Variants in LRRC8C observed in about 807,000 individuals in gnomAD.
The protein encoded by LRRC8C is leucine rich repeat containing 8 VRAC subunit C.
A neutral mutation model predicts 55.3 loss-of-function variants in LRRC8C; 20 were observed. The observed-to-expected ratio is 0.36, with a 90% CI of 0.25 to 0.53. The LOEUF (loss-of-function observed/expected upper bound fraction) is 0.53. LRRC8C is among the 20% of genes least tolerant of loss of function. The probability of loss-of-function intolerance (pLI) is 0.92; values close to 1 mark genes in which losing one functional copy is unlikely to be tolerated. For synonymous variants in LRRC8C, 376 were observed against 360.7 expected, an observed-to-expected ratio of 1.04 and a Z score of -0.48; for missense variants, 659 against 951.4, an observed-to-expected ratio of 0.69 and a Z score of 4.04.
At chr1:89,669,711 C>T (rs936873868) in intron 1 of LRRC8C, among the ~76,000 whole-genome samples, 1 of 152,158 alleles carries the variant, frequency 6.6e-6, no homozygotes, top group African/African-American at 2.4e-5. Flanking sequence ...GGGATACAGA[C>T]TCAGGCACCC....
chr1:89,693,028 G>A (rs1039868346), intron 2 of LRRC8C, among the ~76,000 whole-genome samples: 8 of 152,172 alleles, frequency 5.3e-5, no homozygotes, highest in Admixed American at 3.9e-4. Flanking sequence ...GAAGCCCTAG[G>A]GGACCTGCCT....
In LRRC8C at chr1:89,719,529, T is replaced by G. The variant is rs1187440902; in HGVS notation, c.*4547T>G. 6.6e-6 allele frequency: 1 copy of G among 152,190 alleles called. No homozygotes were observed. Among genetic ancestry groups the G allele is most frequent in the Non-Finnish European group, 1.5e-5 (1 of 68,028 alleles). The allele number at this position is 152,190 out of a possible 1,614,324, so 9.4% of individuals were successfully genotyped here. Reference sequence around the variant, plus strand: ...GAAAAATAAAGTCATTTTTATAACTTAAAATAGATATTTGTCCCTCTCTTA... The same window carrying G: ...GAAAAATAAAGTCATTTTTATAACTGAAAATAGATATTTGTCCCTCTCTTA... On this transcript the variant is annotated 3_prime_UTR_variant, in exon 3 of 3. Transcript: ENST00000370454.
chr1:89,626,048 C>T, the LRRC8C span, among the ~76,000 whole-genome samples: 2 of 152,196 alleles, frequency 1.3e-5, no homozygotes. Context: ...TAACTCACTT[C>T]ATGGGTACAG....
chr1:89,622,891 AT>A, the LRRC8C span, among the ~76,000 whole-genome samples: 4 of 152,240 alleles, frequency 2.6e-5, no homozygotes, highest in African/African-American at 9.6e-5. Flanking sequence ...ATAATTTTGA[AT>A]TTTGGTTAAG....
At chr1:89,622,453 C>T in the LRRC8C span, among the ~76,000 whole-genome samples, 1 of 151,984 alleles carries the variant, frequency 6.6e-6, no homozygotes, top group African/African-American at 2.4e-5. Context: ...CTGCCTCAGC[C>T]TCCCGAGTAG....
rs563574545 is a variant in LRRC8C at position 89,680,284 on chromosome 1, A to G, written c.-4-6186A>G. Among the ~76,000 whole-genome samples the G allele has an allele frequency of 3.3e-5, 5 of 152,072 alleles. No homozygotes were observed. The South Asian group carries it at 6.2e-4, about 19-fold the overall frequency. Reference sequence around the variant, plus strand: ...AGTAGAGACGGGGTTTCACCGTGTTAGCCAGGATGGTCTCGATCTCCTGAC... The same window carrying G: ...AGTAGAGACGGGGTTTCACCGTGTTGGCCAGGATGGTCTCGATCTCCTGAC... On this transcript the variant is annotated intron_variant, in intron 1 of 2. Coordinates refer to ENST00000370454, the MANE Select transcript of LRRC8C (RefSeq NM_032270.5).
chr1:89,691,082 G>A (rs1658015879), intron 2 of LRRC8C, among the ~76,000 whole-genome samples: 3 of 152,162 alleles, frequency 2.0e-5, no homozygotes, highest in Admixed American at 1.3e-4. Flanking sequence ...CTGTGCATCA[G>A]CAATATATCA....
chr1:89,654,445 CAGTTGGAAATGTCA>C (rs959234632), intron 1 of LRRC8C, among the ~76,000 whole-genome samples: 313 of 152,186 alleles, frequency 2.1e-3, no homozygotes, highest in African/African-American at 7.3e-3. Context: ...ACTAAACTTC[CAGTTGGAAATGTCA>C]AGTTGGCAGC....
At chr1:89,656,011 T>C (rs1423744887) in intron 1 of LRRC8C, among the ~76,000 whole-genome samples, 1 of 152,178 alleles carries the variant, frequency 6.6e-6, no homozygotes, top group African/African-American at 2.4e-5. Flanking sequence ...AGAGGCTAAA[T>C]ACTGGAAAAC....
At position 89,717,858 on chromosome 1, in the gene LRRC8C, A is replaced by G. The variant is rs551395471; in HGVS notation, c.*2876A>G. 4 of 152,270 alleles carry G rather than the reference A, an allele frequency of 2.6e-5. No individual in the cohort carries two copies. Among genetic ancestry groups the G allele is most frequent in the South Asian group, 4.1e-4 (2 of 4,830 alleles). 9.4% of individuals were successfully genotyped at this position (152,270 alleles called of 1,614,324 possible). A position where few individuals can be genotyped will look rare whatever the true frequency, so the allele number is the denominator to read the frequency against. Reference sequence around the variant, plus strand: ...TTATAGCTCTATTTCCCCAATCTCTATAGGACTCATGAGAGATTGCTTGTG... The same window carrying G: ...TTATAGCTCTATTTCCCCAATCTCTGTAGGACTCATGAGAGATTGCTTGTG... On this transcript the variant is annotated 3_prime_UTR_variant, in exon 3 of 3. Transcript: ENST00000370454.
At chr1:89,628,393 ATTATTT>A (rs1470934166), upstream of LRRC8C, among the ~76,000 whole-genome samples, 1 of 152,092 alleles carries the variant, frequency 6.6e-6, no homozygotes, top group Non-Finnish European at 1.5e-5. Context: ...TTCCTTTATT[ATTATTT>A]TTATTTTTGA....
Position 89,713,075 on chromosome 1 carries a change from C to A in LRRC8C, c.505C>A (p.Pro169Thr). The change falls in exon 3 of 3, where the codon CCT (proline) becomes ACT (threonine). Residue 169 changes from proline to threonine, a missense_variant. Around this residue, in one of 5 missense-constraint regions of LRRC8C, gnomAD observed 200 missense variants for 360.5 expected, o/e 0.55. Transcript: ENST00000370454. The surrounding 1 kb of genome is among the most constrained non-coding windows in gnomAD (Gnocchi z 5.2). ...ISILGKCFDS[P>T]WTTRALSEVS... ...CATTCTGGGGAAGTGTTTTGACTCT[C>A]CTTGGACCACACGGGCTTTATCTGA... The A allele has an allele frequency of 6.2e-7, 1 of 1,614,194 alleles. No individual in the cohort carries two copies. Among genetic ancestry groups the A allele is most frequent in the Non-Finnish European group, 8.5e-7 (1 of 1,180,042 alleles).
At chr1:89,659,229 A>G (rs1445078719) in intron 1 of LRRC8C, among the ~76,000 whole-genome samples, 2 of 151,946 alleles carry the variant, frequency 1.3e-5, no homozygotes, top group African/African-American at 4.8e-5. Context: ...AGTTTTTATG[A>G]AACACTTCTG....
intron 1 of LRRC8C, among the ~76,000 whole-genome samples, chr1:89,633,564 C>T (rs1048577176): frequency 6.6e-6 from 1 of 152,210 alleles, no homozygotes; most frequent in African/African-American, 2.4e-5. Flanking sequence ...CCCGAGCGGC[C>T]GCGCGAGGAT....
chr1:89,642,133 T>C (rs1656473977), intron 1 of LRRC8C, among the ~76,000 whole-genome samples: 1 of 152,236 alleles, frequency 6.6e-6, no homozygotes, highest in Non-Finnish European at 1.5e-5. Context: ...GTATCTAATT[T>C]ATCTCCATCA....
intron 2 of LRRC8C, among the ~76,000 whole-genome samples, chr1:89,690,845 C>T (rs1253850917): frequency 2.0e-5 from 3 of 152,298 alleles, no homozygotes; most frequent in Middle Eastern, 6.8e-3. Flanking sequence ...ATCAGTGGCT[C>T]CTGCTCAGAC....
chr1:89,626,037 A>G, the LRRC8C span, among the ~76,000 whole-genome samples: 2 of 152,232 alleles, frequency 1.3e-5, no homozygotes, highest in Non-Finnish European at 2.9e-5. Context: ...TGTCTTTAGA[A>G]TAACTCACTT....
At chr1:89,621,529 C>T in the LRRC8C span, among the ~76,000 whole-genome samples, 2 of 152,154 alleles carry the variant, frequency 1.3e-5, no homozygotes, top group Non-Finnish European at 2.9e-5. Flanking sequence ...ACCTCACCCT[C>T]CTTGGGAAAC....
In LRRC8C at chr1:89,714,849, A is replaced by G. The variant is rs1338458336; in HGVS notation, c.2279A>G (p.Lys760Arg). The change falls in exon 3 of 3, where the codon AAA becomes AGA. Residue 760 changes from lysine to arginine, a missense_variant. This residue lies in a region of LRRC8C where 344 missense variants were observed against 464.6 expected (regional missense o/e 0.74). Coordinates refer to ENST00000370454, the MANE Select transcript of LRRC8C (RefSeq NM_032270.5). The surrounding 1 kb of genome is among the most constrained non-coding windows in gnomAD (Gnocchi z 4.6). ...CTATTTCTTTCCTACTTAGATGTAA[A>G]AGGTAATCACTTTGAAATCCTCCCT... The part of the protein sequence containing the change: ...NLLFLSYLDV[K>R]GNHFEILPPE... The G allele has an allele frequency of 1.2e-6, 2 of 1,614,182 alleles. No homozygotes were observed. Among genetic ancestry groups the G allele is most frequent in the Admixed American group, 3.3e-5 (2 of 60,030 alleles).
Sources: gnomAD v4.1 joint callset for allele counts (sites outside exome capture counted in the v4.1 genomes callset) on GRCh38, gnomAD v4.1.1 for gene constraint, gnomAD v4.1.1 regional missense constraint, Gnocchi (gnomAD v3.1) non-coding constraint, MANE v1.5 for transcripts, NCBI Gene and HGNC (gene_info 2026-07-23, HGNC 2026-07-21) for gene names.